The following DGKB variants were observed in gnomAD, a reference collection of about 807,000 sequenced individuals.
DGKB encodes the protein 90 kDa diacylglycerol kinase.
Under a neutral mutation model 114.3 loss-of-function variants are expected in DGKB, and 67 were observed. The ratio of observed to expected loss-of-function variants is 0.59; its 90% CI spans 0.48 to 0.72. The LOEUF (loss-of-function observed/expected upper bound fraction) is 0.72, where lower values mean the gene tolerates loss of function less well. Ranked by LOEUF, DGKB falls within the 30% of genes least tolerant of loss-of-function variation. The pLI, the probability that DGKB is intolerant of heterozygous loss-of-function variation, is 0.00. For missense variants in DGKB, 907 were observed against 975.2 expected, an observed-to-expected ratio of 0.93 and a Z score of 0.93; for synonymous variants, 398 against 323.1, an observed-to-expected ratio of 1.23 and a Z score of -2.49.
chr7:14,226,671 A>T (rs1790851750), intron 23 of DGKB, among the ~76,000 whole-genome samples: 1 of 152,024 alleles, frequency 6.6e-6, no homozygotes, highest in Non-Finnish European at 1.5e-5. Flanking sequence ...ACTGTATCTC[A>T]TAGCTCACTA....
intron 2 of DGKB, among the ~76,000 whole-genome samples, chr7:14,838,247 T>G (rs1847425092): frequency 6.6e-6 from 1 of 152,200 alleles, no homozygotes; most frequent in Admixed American, 6.5e-5. Flanking sequence ...AAGAATTTAG[T>G]AGAAATGTCT....
At chr7:14,899,404 A>G (rs565549355) in intron 1 of DGKB, among the ~76,000 whole-genome samples, 1 of 152,282 alleles carries the variant, frequency 6.6e-6, no homozygotes, top group South Asian at 2.1e-4. Context: ...AGCTATTTAA[A>G]GAGATGTTTT....
At chr7:14,918,131 T>C (rs535311171) in intron 1 of DGKB, among the ~76,000 whole-genome samples, 1 of 152,234 alleles carries the variant, frequency 6.6e-6, no homozygotes, top group South Asian at 2.1e-4. Flanking sequence ...ACAATAAATC[T>C]ACAGGTAACA....
At chr7:14,276,733 A>T (rs1799057496) in intron 23 of DGKB, among the ~76,000 whole-genome samples, 1 of 151,990 alleles carries the variant, frequency 6.6e-6, no homozygotes, top group Admixed American at 6.5e-5. Context: ...AAGATATTTT[A>T]TATGGATTAT....
intron 1 of DGKB, among the ~76,000 whole-genome samples, chr7:14,921,733 G>T (rs1784517000): frequency 6.6e-6 from 1 of 152,128 alleles, no homozygotes; most frequent in Admixed American, 6.6e-5. Context: ...TGTTTTGTGG[G>T]CCCAAGAGTG....
chr7:14,812,950 C>T (rs558674304), intron 2 of DGKB, among the ~76,000 whole-genome samples: 3 of 152,114 alleles, frequency 2.0e-5, no homozygotes, highest in Non-Finnish European at 2.9e-5. Context: ...GATTCCTTCC[C>T]CTCTAGTAAA....
At chr7:14,884,439 G>C (rs1587172306) in intron 1 of DGKB, among the ~76,000 whole-genome samples, 1 of 151,922 alleles carries the variant, frequency 6.6e-6, no homozygotes, top group South Asian at 2.1e-4. Flanking sequence ...AGGAAGCCAT[G>C]GAAGATTGAC....
At chr7:14,183,637 C>T (rs1400983585) in intron 23 of DGKB, among the ~76,000 whole-genome samples, 1 of 152,160 alleles carries the variant, frequency 6.6e-6, no homozygotes, top group African/African-American at 2.4e-5. Flanking sequence ...TATTATTCTC[C>T]TCATTTTATT....
chr7:14,920,081 T>C (rs567663961), intron 1 of DGKB, among the ~76,000 whole-genome samples: 5 of 152,278 alleles, frequency 3.3e-5, no homozygotes, highest in African/African-American at 1.2e-4. Flanking sequence ...ATAGAAAATC[T>C]AGGTAACTTT....
At chr7:14,381,925 G>C (rs1032768398) in intron 21 of DGKB, among the ~76,000 whole-genome samples, 1 of 152,216 alleles carries the variant, frequency 6.6e-6, no homozygotes, top group Non-Finnish European at 1.5e-5. Context: ...AAGCAACCCA[G>C]AGCTCTAGTT....
intron 1 of DGKB, among the ~76,000 whole-genome samples, chr7:14,851,673 G>T (rs1415910583): frequency 2.0e-5 from 3 of 152,158 alleles, no homozygotes; most frequent in African/African-American, 7.2e-5. Context: ...CAGAAGTGAT[G>T]CTCTGCATGT....
intron 21 of DGKB, among the ~76,000 whole-genome samples, chr7:14,444,815 C>T (rs910669323): frequency 6.6e-6 from 1 of 151,736 alleles, no homozygotes; most frequent in South Asian, 2.1e-4. Context: ...TACAACCCTT[C>T]AATTTCTGAA....
intron 23 of DGKB, among the ~76,000 whole-genome samples, chr7:14,299,120 T>C (rs1013834026): frequency 1.3e-5 from 2 of 152,152 alleles, no homozygotes; most frequent in Admixed American, 6.6e-5. Flanking sequence ...TCCAATACTT[T>C]AATGTTATTT....
intron 17 of DGKB, among the ~76,000 whole-genome samples, chr7:14,596,628 A>G (rs1802626523): frequency 6.6e-6 from 1 of 152,228 alleles, no homozygotes; most frequent in Non-Finnish European, 1.5e-5. Flanking sequence ...GTCAGATCCT[A>G]AAATGCTCAT....
intron 13 of DGKB, among the ~76,000 whole-genome samples, chr7:14,669,508 T>C (rs1402024850): frequency 6.6e-6 from 1 of 152,156 alleles, no homozygotes; most frequent in Admixed American, 6.6e-5. Context: ...CAACTGTCTC[T>C]TCAGTGAACA....
At position 14,823,995 on chromosome 7, in the gene DGKB, T is replaced by A. The variant is rs567291586; in HGVS notation, c.70+17199A>T. On this transcript the variant is annotated intron_variant, in intron 2 of 25. Coordinates refer to ENST00000402815, the MANE Select transcript of DGKB (RefSeq NM_001350709.2). Reference sequence around the variant, plus strand: ...CCACATGGCTGGGGAAGCCTCACAATCATGGCAGAAGGTGAATGAGGGTCA... The same window carrying A: ...CCACATGGCTGGGGAAGCCTCACAAACATGGCAGAAGGTGAATGAGGGTCA... Among the ~76,000 whole-genome samples the A allele has an allele frequency of 3.3e-5, 5 of 152,262 alleles. No homozygotes were observed. The South Asian group carries it at 8.3e-4, about 25-fold the overall frequency.
At chr7:14,516,960 A>T (rs62443499) in intron 20 of DGKB, among the ~76,000 whole-genome samples, 474 of 152,254 alleles carry the variant, frequency 3.1e-3, no homozygotes, top group African/African-American at 0.01. Context: ...AAAAAATTTT[A>T]AATTCATACA....
chr7:14,259,118 G>C (rs1011228166), intron 23 of DGKB, among the ~76,000 whole-genome samples: 7 of 152,070 alleles, frequency 4.6e-5, no homozygotes, highest in African/African-American at 1.7e-4. Context: ...CTAGTATAGA[G>C]AACAGATTCA....
intron 9 of DGKB, among the ~76,000 whole-genome samples, chr7:14,688,371 A>G (rs900217659): frequency 6.6e-6 from 1 of 152,102 alleles, no homozygotes; most frequent in Non-Finnish European, 1.5e-5. Context: ...TTCCTCTCGA[A>G]TGAAAGGAAA....
Sources: gnomAD v4.1 joint callset for allele counts (sites outside exome capture counted in the v4.1 genomes callset) on GRCh38, gnomAD v4.1.1 for gene constraint, MANE v1.5 for transcripts, NCBI Gene and HGNC (gene_info 2026-07-23, HGNC 2026-07-21) for gene names.